PDE1A: variants seen among roughly 807,000 people sequenced by gnomAD.
PDE1A encodes the protein dual specificity calcium/calmodulin-dependent 3',5'-cyclic nucleotide phosphodiesterase 1A.
Under a neutral mutation model 61.7 loss-of-function variants are expected in PDE1A, and 35 were observed. The observed-to-expected ratio is 0.57, with a 90% CI of 0.43 to 0.75. The LOEUF (loss-of-function observed/expected upper bound fraction) is 0.75, where lower values mean the gene tolerates loss of function less well. Among genes scored for constraint, PDE1A ranks in the 30% least tolerant of loss-of-function variants. The pLI, the probability that PDE1A is intolerant of heterozygous loss-of-function variation, is 0.00. For synonymous variants in PDE1A, 232 were observed against 213.2 expected (o/e 1.09, Z -0.77); for missense variants, 597 against 630.6 (o/e 0.95, Z 0.57).
At chr2:182,151,559 A>G (rs1034672424) in intron 13 of PDE1A, among the ~76,000 whole-genome samples, 4 of 152,194 alleles carry the variant, frequency 2.6e-5, no homozygotes, top group Non-Finnish European at 5.9e-5. Flanking sequence ...CTGTTTCCCA[A>G]GCTACAATCA....
chr2:182,586,430 C>G, the PDE1A span, among the ~76,000 whole-genome samples: 2 of 152,158 alleles, frequency 1.3e-5, no homozygotes, highest in African/African-American at 4.8e-5. Flanking sequence ...CTTCTTGTTC[C>G]TTGTCTTAAA....
At chr2:182,424,202 C>T (rs1703463743) in intron 1 of PDE1A, among the ~76,000 whole-genome samples, 1 of 152,158 alleles carries the variant, frequency 6.6e-6, no homozygotes, top group Non-Finnish European at 1.5e-5. Context: ...ACCTTGGCCT[C>T]CCAAAGTGCT....
chr2:182,649,766 C>T, the PDE1A span, among the ~76,000 whole-genome samples: 1 of 152,008 alleles, frequency 6.6e-6, no homozygotes, highest in Non-Finnish European at 1.5e-5. Context: ...CCTGCCACCA[C>T]GTCCGGCTAA....
At chr2:182,210,720 A>T (rs1332848575) in intron 7 of PDE1A, among the ~76,000 whole-genome samples, 1 of 152,106 alleles carries the variant, frequency 6.6e-6, no homozygotes, top group African/African-American at 2.4e-5. Flanking sequence ...TTAAAAAGTC[A>T]TCACCAAATC....
chr2:182,186,312 A>T (rs563002506), intron 12 of PDE1A, among the ~76,000 whole-genome samples, 156 bp downstream of exon 12: 45 of 152,318 alleles, frequency 3.0e-4, no homozygotes, highest in African/African-American at 1.1e-3. Flanking sequence ...CAGTTGTCAA[A>T]GGCAGATGCA....
chr2:182,500,786 TA>T (rs1490222527), intron 2 of PDE1A, among the ~76,000 whole-genome samples: 3 of 152,212 alleles, frequency 2.0e-5, no homozygotes, highest in African/African-American at 7.2e-5. Context: ...ATGGCAGTCT[TA>T]CAACTGTTTA....
At chr2:182,404,116 G>T (rs1156900045) in intron 1 of PDE1A, among the ~76,000 whole-genome samples, 1 of 151,970 alleles carries the variant, frequency 6.6e-6, no homozygotes, top group African/African-American at 2.4e-5. Flanking sequence ...TGGTAAATAT[G>T]AAATAAGCCA....
intron 7 of PDE1A, among the ~76,000 whole-genome samples, chr2:182,206,865 C>T (rs1231006414): frequency 6.6e-6 from 1 of 152,142 alleles, no homozygotes; most frequent in Non-Finnish European, 1.5e-5. Context: ...CTCCTGCCAC[C>T]ATGTGAAGAT....
chr2:182,363,498 G>A (rs1699635215), intron 1 of PDE1A, among the ~76,000 whole-genome samples: 1 of 151,950 alleles, frequency 6.6e-6, no homozygotes, highest in Non-Finnish European at 1.5e-5. Flanking sequence ...TTTCTAAGAA[G>A]GTGAAATTTG....
the PDE1A span, among the ~76,000 whole-genome samples, chr2:182,701,223 G>A: frequency 6.6e-6 from 1 of 151,290 alleles, no homozygotes; most frequent in Non-Finnish European, 1.5e-5. Flanking sequence ...TTTTAGTAAA[G>A]ACGGGGTTTC....
chr2:182,413,891 G>A (rs920472858), intron 1 of PDE1A, among the ~76,000 whole-genome samples: 9 of 152,114 alleles, frequency 5.9e-5, no homozygotes, highest in Non-Finnish European at 1.3e-4. Flanking sequence ...AAGGGACAAG[G>A]TTTGGAGAGA....
chr2:182,709,788 A>C, the PDE1A span, among the ~76,000 whole-genome samples: 7 of 152,242 alleles, frequency 4.6e-5, no homozygotes, highest in African/African-American at 9.6e-5. Flanking sequence ...GCAAGTGGAC[A>C]TCCTTGATGT....
intron 1 of PDE1A, among the ~76,000 whole-genome samples, chr2:182,304,426 C>T (rs1322754784): frequency 6.6e-6 from 1 of 152,206 alleles, no homozygotes; most frequent in Non-Finnish European, 1.5e-5. Flanking sequence ...ACTAGAGTAG[C>T]ACTGTTAATT....
At chr2:182,617,221 C>T in the PDE1A span, among the ~76,000 whole-genome samples, 1 of 152,140 alleles carries the variant, frequency 6.6e-6, no homozygotes, top group Non-Finnish European at 1.5e-5. Flanking sequence ...AGTCTAAAAT[C>T]AGCCATATGA....
the PDE1A span, among the ~76,000 whole-genome samples, chr2:182,559,366 A>G: frequency 6.6e-6 from 1 of 152,178 alleles, no homozygotes; most frequent in African/African-American, 2.4e-5. Context: ...CTAGGTTAAT[A>G]AAGCCATGGG....
intron 1 of PDE1A, among the ~76,000 whole-genome samples, chr2:182,354,313 A>G (rs139810553): frequency 0.012 from 1,903 of 152,296 alleles, 24 homozygotes; most frequent in South Asian, 0.047. Context: ...ACATTCCACC[A>G]CTATAGAATC....
intron 1 of PDE1A, among the ~76,000 whole-genome samples, chr2:182,341,811 G>A (rs144513187): frequency 1.3e-3 from 194 of 151,278 alleles, no homozygotes; most frequent in African/African-American, 4.5e-3. Flanking sequence ...GGCTTGGAGT[G>A]TAGTGGTGCA....
rs368246627 is a variant in PDE1A, at chr2:182,277,394, C to T, written c.54-12980G>A. Among the ~76,000 whole-genome samples, 13 of 152,158 alleles carry T rather than the reference C, an allele frequency of 8.5e-5. 1 individual carries two copies. Among genetic ancestry groups the T allele is most frequent in the Admixed American group, 3.3e-4 (5 of 15,260 alleles). ...TTGAAATATTGCGGGCGGGTTCCCC[C>T]GATAAGCAATTCATTTGGGAATGCC... On this transcript the variant is annotated intron_variant, in intron 1 of 13. Transcript: ENST00000351439.
intron 1 of PDE1A, among the ~76,000 whole-genome samples, chr2:182,277,624 G>A (rs1693519674): frequency 6.6e-6 from 1 of 151,976 alleles, no homozygotes; most frequent in Admixed American, 6.6e-5. Context: ...ATAAAATAAT[G>A]TACTAAACAA....
Sources: gnomAD v4.1 joint callset for allele counts (sites outside exome capture counted in the v4.1 genomes callset) on GRCh38, gnomAD v4.1.1 for gene constraint, MANE v1.5 for transcripts, NCBI Gene and HGNC (gene_info 2026-07-23, HGNC 2026-07-21) for gene names.